The following DTNB variants were observed in gnomAD, a reference collection of about 807,000 sequenced individuals.
The protein encoded by DTNB is dystrobrevin beta.
A neutral mutation model predicts 90.7 loss-of-function variants in DTNB; 63 were observed. The observed-to-expected ratio is 0.69, with a 90% CI of 0.57 to 0.86. The LOEUF is 0.86. Among genes scored for constraint, DTNB ranks in the 40% least tolerant of loss-of-function variants. The pLI, the probability that DTNB is intolerant of heterozygous loss-of-function variation, is 0.00. For missense variants in DTNB, 744 were observed against 807.1 expected (o/e 0.92, Z 0.95); for synonymous variants, 277 against 286.7 (o/e 0.97, Z 0.34).
chr2:25,411,014 T>TG, intron 16 of DTNB, among the ~76,000 whole-genome samples: 1 of 151,816 alleles, frequency 6.6e-6, no homozygotes, highest in South Asian at 2.1e-4. Flanking sequence ...TCTTTGCTCC[T>TG]GGGGGGCCAT....
At chr2:25,457,320 G>A (rs898100776) in intron 10 of DTNB, among the ~76,000 whole-genome samples, 2 of 152,046 alleles carry the variant, frequency 1.3e-5, no homozygotes, top group Non-Finnish European at 1.5e-5. Context: ...CTGTAGTTTT[G>A]TTTGTTATAT....
At chr2:25,410,811 T>C (rs1222807227) in intron 16 of DTNB, among the ~76,000 whole-genome samples, 1 of 152,220 alleles carries the variant, frequency 6.6e-6, no homozygotes, top group Non-Finnish European at 1.5e-5. Context: ...CAATAGCTTA[T>C]GTTATTATTT....
intron 10 of DTNB, among the ~76,000 whole-genome samples, chr2:25,456,436 C>T (rs1425227856): frequency 6.6e-6 from 1 of 152,176 alleles, no homozygotes; most frequent in African/African-American, 2.4e-5. Context: ...AGTCCATCTG[C>T]CAATTTCCTC....
Position 25,580,744 on chromosome 2 carries a change from T to G in DTNB, c.686A>C (p.His229Pro). 6.2e-7 allele frequency: 1 copy of G among 1,613,660 alleles called. No individual in the cohort carries two copies. Among genetic ancestry groups the G allele is most frequent in the Non-Finnish European group, 8.5e-7 (1 of 1,179,628 alleles). The change falls in exon 7 of 21, where the codon CAC becomes CCC. Residue 229 changes from histidine to proline, a missense_variant. By Grantham distance (77) the His-to-Pro change is moderately conservative. Transcript: ENST00000406818. ...ACCATTCTCAACATGGGCAAGCCTGTGCATGAGAGGTAGCCAGACAAGGCA... is the reference window on the plus strand; with the variant it reads ...ACCATTCTCAACATGGGCAAGCCTGGGCATGAGAGGTAGCCAGACAAGGCA... Reference protein sequence around the residue: ...PQCLVWLPLMHRLAHVENVFH... With the variant: ...PQCLVWLPLMPRLAHVENVFH...
chr2:25,379,446 C>G, intron 19 of DTNB, 123 bp from the exon 20 acceptor site: 1 of 1,211,156 alleles, frequency 8.3e-7, no homozygotes. Context: ...TCTCCCGTTA[C>G]TCGTTTGTTG....
intron 16 of DTNB, chr2:25,419,125 T>C: frequency 4.4e-6 from 1 of 225,906 alleles, no homozygotes; most frequent in Non-Finnish European, 8.9e-6. Context: ...AAAGAAGTCC[T>C]CATTTTCATG....
At chr2:25,562,330 T>C (rs187709520) in intron 8 of DTNB, among the ~76,000 whole-genome samples, 15 of 152,376 alleles carry the variant, frequency 9.8e-5, no homozygotes, top group South Asian at 4.1e-4. Flanking sequence ...CAGTCACCAG[T>C]TGATGGACAT....
At position 25,601,562 on chromosome 2, in the gene DTNB, T is replaced by C. The variant is rs150271317; in HGVS notation, c.449-5322A>G. ...TAGTTTTACTGGCTGGATCTATCCA[T>C]CTATTTCAACTCCCCTTTCATCCCC... On this transcript the variant is annotated intron_variant, in intron 5 of 20. Transcript: ENST00000406818. Among the ~76,000 whole-genome samples the C allele has an allele frequency of 1.3e-3, 203 of 152,320 alleles. 1 individual carries two copies. The highest frequency in any genetic ancestry group is 4.7e-3 in the African/African-American group (194 of 41,576).
intron 10 of DTNB, among the ~76,000 whole-genome samples, chr2:25,458,001 T>C (rs1259918486): frequency 2.0e-5 from 3 of 151,986 alleles, no homozygotes; most frequent in South Asian, 4.2e-4. Flanking sequence ...GCTCAGCTAA[T>C]TTTTTGTATT....
intron 16 of DTNB, among the ~76,000 whole-genome samples, chr2:25,401,707 C>T (rs1043824131): frequency 1.3e-5 from 2 of 152,220 alleles, no homozygotes; most frequent in East Asian, 3.8e-4. Flanking sequence ...TGGCAAAAGG[C>T]CTGACTTTAA....
Position 25,433,018 on chromosome 2 carries a change from C to A in DTNB, c.1344-19G>T, listed in dbSNP as rs148129817. On this transcript the variant is annotated intron_variant, in intron 13 of 20. Transcript: ENST00000406818. ...GATCTCTCTAGAGAGGATGGGTGAACGGAAAGGGGCTGCACAGTGCTTCTC... is the reference window on the plus strand; with the variant it reads ...GATCTCTCTAGAGAGGATGGGTGAAAGGAAAGGGGCTGCACAGTGCTTCTC... 4.4e-6 allele frequency: 7 copies of A among 1,582,952 alleles called. No homozygotes were observed. Among genetic ancestry groups the A allele is most frequent in the Non-Finnish European group, 6.0e-6 (7 of 1,166,256 alleles).
chr2:25,669,872 T>G (rs537994522), intron 1 of DTNB, among the ~76,000 whole-genome samples: 55 of 148,234 alleles, frequency 3.7e-4, no homozygotes, highest in African/African-American at 1.4e-3. Context: ...GCCACTGCAC[T>G]CCAGTCTGGG....
intron 14 of DTNB, among the ~76,000 whole-genome samples, chr2:25,428,175 GTC>G (rs1457660552): frequency 3.9e-5 from 6 of 151,974 alleles, no homozygotes; most frequent in Non-Finnish European, 7.4e-5. Flanking sequence ...TGGTTTTCTT[GTC>G]TCTGTCTCTT....
intron 1 of DTNB, among the ~76,000 whole-genome samples, chr2:25,653,933 A>G (rs190838360): frequency 5.0e-4 from 76 of 152,266 alleles, no homozygotes; most frequent in Non-Finnish European, 9.1e-4. Flanking sequence ...CGCTCTTGAT[A>G]ACTGCCTTCT....
intron 17 of DTNB, 101 bp downstream of exon 17, chr2:25,388,101 G>T: frequency 6.7e-7 from 1 of 1,503,052 alleles, no homozygotes; most frequent in Non-Finnish European, 8.9e-7. Flanking sequence ...ATCATTCCAA[G>T]CAAAGAGCAC....
At chr2:25,561,218 A>G (rs1401565251) in intron 8 of DTNB, among the ~76,000 whole-genome samples, 2 of 152,092 alleles carry the variant, frequency 1.3e-5, no homozygotes, top group Admixed American at 6.6e-5. Context: ...TACATTTGAT[A>G]TTATATTTTC....
At chr2:25,389,022 AT>A (rs2040354383) in intron 16 of DTNB, among the ~76,000 whole-genome samples, 1 of 151,890 alleles carries the variant, frequency 6.6e-6, no homozygotes, top group African/African-American at 2.4e-5. Context: ...AATTTTTTGT[AT>A]TTTTAGTAGA....
At position 25,589,956 on chromosome 2, in the gene DTNB, G is replaced by A. The variant is rs142848208; in HGVS notation, c.603+6130C>T. ...GCGAGTGTGAAGGAGTGTGGGGTCC[G>A]GCCACTATGCACAGCCAGGCATGCC... On this transcript the variant is annotated intron_variant, in intron 6 of 20. Transcript: ENST00000406818. Among the ~76,000 whole-genome samples the A allele has an allele frequency of 7.5e-4, 114 of 152,310 alleles. 2 individuals are homozygous for A. In the East Asian group the frequency reaches 0.019, roughly 26 times the overall value.
intron 9 of DTNB, among the ~76,000 whole-genome samples, chr2:25,502,659 G>A (rs952223972): frequency 2.0e-5 from 3 of 151,824 alleles, no homozygotes; most frequent in Admixed American, 2.0e-4. Context: ...CAAGGTGGGT[G>A]GATCATGAAG....
Sources: gnomAD v4.1 joint callset for allele counts (sites outside exome capture counted in the v4.1 genomes callset) on GRCh38, gnomAD v4.1.1 for gene constraint, MANE v1.5 for transcripts, NCBI Gene and HGNC (gene_info 2026-07-23, HGNC 2026-07-21) for gene names.